Variants in CDK7 observed in about 807,000 individuals in gnomAD.
CDK7 encodes cyclin dependent kinase 7, also known as cyclin-dependent kinase 7.
In CDK7, 25 loss-of-function variants were observed where a neutral mutation model predicts 49.1. The ratio of observed to expected loss-of-function variants is 0.51; its 90% CI spans 0.37 to 0.71. The LOEUF (loss-of-function observed/expected upper bound fraction) is 0.71, where lower values mean the gene tolerates loss of function less well. Among genes scored for constraint, CDK7 ranks in the 30% least tolerant of loss-of-function variants. CDK7 has a pLI of 0.00. For synonymous variants in CDK7, 107 were observed against 140.0 expected (o/e 0.76, Z 1.67); for missense variants, 316 against 411.7 (o/e 0.77, Z 2.01).
intron 2 of CDK7, chr5:69,250,914 T>G: frequency 6.6e-6 from 3 of 454,748 alleles, no homozygotes; most frequent in Non-Finnish European, 1.3e-5. Flanking sequence ...ATGGTCTACT[T>G]TAAGAAATTC....
At chr5:69,235,955 G>A (rs1409250114) in intron 2 of CDK7, among the ~76,000 whole-genome samples, 2 of 152,132 alleles carry the variant, frequency 1.3e-5, no homozygotes, top group African/African-American at 2.4e-5. Context: ...AAAGACTTGG[G>A]TCGGGCCAGC....
chr5:69,269,147 A>C, intron 8 of CDK7, 60 bp from the exon 9 acceptor site: 1 of 1,126,828 alleles, frequency 8.9e-7, no homozygotes, highest in Non-Finnish European at 1.3e-6. Context: ...TCTCTAAAAA[A>C]AGAAAAAAAT....
At chr5:69,254,225 TA>T in intron 3 of CDK7, among the ~76,000 whole-genome samples, 1 of 152,088 alleles carries the variant, frequency 6.6e-6, no homozygotes, top group East Asian at 1.9e-4. Flanking sequence ...AACCTTTCTT[TA>T]AAAATATGTG....
chr5:69,253,085 C>T (rs901078935), intron 3 of CDK7, among the ~76,000 whole-genome samples: 3 of 152,036 alleles, frequency 2.0e-5, no homozygotes, highest in African/African-American at 7.2e-5. Flanking sequence ...TTTCTAATTA[C>T]TTTGAAAATT....
At chr5:69,256,863 GAAAAA>G (rs918561938) in intron 5 of CDK7, among the ~76,000 whole-genome samples, 3 of 143,164 alleles carry the variant, frequency 2.1e-5, no homozygotes, top group Non-Finnish European at 4.6e-5. Flanking sequence ...CTCGAAAAAA[GAAAAA>G]AAAAAGAAAC....
chr5:69,259,784 G>C, intron 6 of CDK7, 34 bp from the exon 7 acceptor site: 1 of 1,392,242 alleles, frequency 7.2e-7, no homozygotes. Context: ...CCCCTACCCT[G>C]CTTATTTGTT....
intron 8 of CDK7, 102 bp from the exon 9 acceptor site, chr5:69,269,105 C>G: frequency 1.4e-6 from 1 of 695,172 alleles, no homozygotes; most frequent in Non-Finnish European, 2.5e-6. Flanking sequence ...GCATCACTCA[C>G]TGCAGCCTGG....
chr5:69,258,285 A>G (rs1359285521), intron 6 of CDK7, 132 bp downstream of exon 6: 4 of 532,780 alleles, frequency 7.5e-6, no homozygotes, highest in Non-Finnish European at 1.3e-5. Context: ...TTTTTGCTAT[A>G]TATTATTCCC....
intron 2 of CDK7, 65 bp downstream of exon 2, chr5:69,235,518 T>G (rs1254562971): frequency 9.5e-7 from 1 of 1,055,886 alleles, no homozygotes. Context: ...AATTGACTGA[T>G]AGCCATTTTA....
In CDK7 at chr5:69,269,277, C is replaced by G. The variant is rs767786810; in HGVS notation, c.698C>G (p.Thr233Ser). 3 of 1,610,454 alleles carry G rather than the reference C, an allele frequency of 1.9e-6. No individual in the cohort carries two copies. Among genetic ancestry groups the G allele is most frequent in the Non-Finnish European group, 2.5e-6 (3 of 1,178,462 alleles). Residue 233 changes from threonine to serine, a missense_variant, in exon 9 of 12, where the codon ACT (threonine) becomes AGT (serine). Coordinates refer to ENST00000256443, the MANE Select transcript of CDK7 (RefSeq NM_001799.4). ...ATATTTGAAACTTTGGGCACACCAA[C>G]TGAGGAACAGTGGCCGGTAAGCCTT... ...TRIFETLGTP[T>S]EEQWPDMCSL...
intron 9 of CDK7, among the ~76,000 whole-genome samples, chr5:69,269,752 T>C (rs1366023041): frequency 6.6e-6 from 1 of 151,540 alleles, no homozygotes; most frequent in African/African-American, 2.4e-5. Context: ...TTTTAAATTA[T>C]TATTATTTTT....
intron 2 of CDK7, among the ~76,000 whole-genome samples, chr5:69,247,507 GCTT>G (rs768530113): frequency 6.8e-6 from 1 of 147,054 alleles, no homozygotes; most frequent in Non-Finnish European, 1.5e-5. Context: ...GATCTTTGGG[GCTT>G]CTTTTTTTTT....
Position 69,255,448 on chromosome 5 carries a change from T to G in CDK7, c.229-12T>G. The G allele has an allele frequency of 6.6e-7, 1 of 1,523,108 alleles. No individual in the cohort carries two copies. Among genetic ancestry groups the G allele is most frequent in the South Asian group, 1.2e-5 (1 of 80,934 alleles). The allele number at this position is 1,523,108 out of a possible 1,614,324, so 94.3% of individuals were successfully genotyped here. ...AAATAGTGAATCACATTTTAATTTT[T>G]TAACTTTGCAGCTCCTTGATGCTTT... On this transcript the variant is annotated splice_polypyrimidine_tract_variant and intron_variant, in intron 4 of 11. Transcript: ENST00000256443.
chr5:69,238,860 C>T (rs977089486), intron 2 of CDK7, among the ~76,000 whole-genome samples: 1 of 151,902 alleles, frequency 6.6e-6, no homozygotes, highest in Non-Finnish European at 1.5e-5. Flanking sequence ...CCACACCCAG[C>T]CTGCAACTTG....
At chr5:69,235,119 G>A in intron 1 of CDK7, 78 bp downstream of exon 1, 1 of 1,356,488 alleles carries the variant, frequency 7.4e-7, no homozygotes, top group Non-Finnish European at 1.0e-6. Flanking sequence ...GTTTTCCCGT[G>A]GAGGCCAGAG....
intron 6 of CDK7, 125 bp downstream of exon 6, chr5:69,258,278 T>G: frequency 1.8e-6 from 1 of 561,922 alleles, no homozygotes. Context: ...TCCCATCTTT[T>G]TGCTATATAT....
At chr5:69,272,759 T>TTAG in intron 9 of CDK7, 133 bp from the exon 10 acceptor site, 1 of 470,498 alleles carries the variant, frequency 2.1e-6, no homozygotes, top group South Asian at 8.4e-5. Context: ...GTCTTACTAC[T>TTAG]AGTTCTAGGA....
At chr5:69,236,189 C>G (rs1020190087) in intron 2 of CDK7, among the ~76,000 whole-genome samples, 1 of 150,708 alleles carries the variant, frequency 6.6e-6, no homozygotes, top group Non-Finnish European at 1.5e-5. Flanking sequence ...TGTAATGAGC[C>G]GAGATGGTGC....
At chr5:69,248,427 C>T (rs1306281301) in intron 2 of CDK7, among the ~76,000 whole-genome samples, 1 of 151,908 alleles carries the variant, frequency 6.6e-6, no homozygotes, top group Non-Finnish European at 1.5e-5. Context: ...GTTTCCCAGG[C>T]TGGAGTGTGG....
Sources: gnomAD v4.1 joint callset for allele counts (sites outside exome capture counted in the v4.1 genomes callset) on GRCh38, gnomAD v4.1.1 for gene constraint, MANE v1.5 for transcripts, NCBI Gene and HGNC (gene_info 2026-07-23, HGNC 2026-07-21) for gene names.